ATXN7L2: variants seen among roughly 807,000 people sequenced by gnomAD.
The protein encoded by ATXN7L2 is ataxin-7-like protein 2.
A neutral mutation model predicts 59.6 loss-of-function variants in ATXN7L2; 17 were observed. That is an observed-to-expected ratio of 0.29 (90% confidence interval 0.20 to 0.43). The LOEUF is 0.43. Among genes scored for constraint, ATXN7L2 ranks in the 20% least tolerant of loss-of-function variants. The pLI is 1.00. For synonymous variants in ATXN7L2, 378 were observed against 392.5 expected, an observed-to-expected ratio of 0.96 and a Z score of 0.44; for missense variants, 858 against 1,008.9, an observed-to-expected ratio of 0.85 and a Z score of 2.03.
Position 109,489,077 on chromosome 1 carries a change from C to G in ATXN7L2, c.1110C>G (p.Thr370=). Residue 370 remains threonine (T), a synonymous_variant, in exon 7 of 11, where the codon ACC becomes ACG. Transcript: ENST00000683729. ...CCTTCTCTGTTCGTGCCAAGCAGAC[C>G]TACCCATACTGTGCACTGCCCAGGT... ...SSTFSVRAKQ[T]YPYCALPRSR... 6.2e-7 allele frequency: 1 copy of G among 1,614,108 alleles called. No homozygotes were observed. The highest frequency in any genetic ancestry group is 8.5e-7 in the Non-Finnish European group (1 of 1,179,982).
At position 109,486,457 on chromosome 1, in the gene ATXN7L2, G is replaced by A. The variant is rs779205485; in HGVS notation, c.194-49G>A. On this transcript the variant is annotated intron_variant, in intron 2 of 10. Coordinates refer to ENST00000683729, the MANE Select transcript of ATXN7L2 (RefSeq NM_001350175.2). The surrounding 1 kb of genome is among the most constrained non-coding windows in gnomAD (Gnocchi z 4.3). ...TGGGAGTGCTCTCCGATCTTCCAGA[G>A]AAACCCTGGGATCTTCAGCCCCAGT... The A allele has an allele frequency of 2.0e-6, 3 of 1,514,414 alleles. No individual in the cohort carries two copies. Among genetic ancestry groups the A allele is most frequent in the Non-Finnish European group, 2.7e-6 (3 of 1,097,004 alleles). 93.8% of individuals were successfully genotyped at this position (1,514,414 alleles called of 1,614,324 possible).
In ATXN7L2 at chr1:109,486,138, C is replaced by T. The variant is rs759409904; in HGVS notation, c.193+16C>T. On this transcript the variant is annotated intron_variant, in intron 2 of 10. Coordinates refer to ENST00000683729, the MANE Select transcript of ATXN7L2 (RefSeq NM_001350175.2). This position sits in a 1 kb window ranked among gnomAD's most constrained non-coding sequence, Gnocchi z 4.3. Reference sequence around the variant, plus strand: ...ATTAAAGAAGGTGGGAGTCGACACACATTAGGGCTGGGACCCAGGGCAGAC... The same window carrying T: ...ATTAAAGAAGGTGGGAGTCGACACATATTAGGGCTGGGACCCAGGGCAGAC... The T allele has an allele frequency of 9.5e-6, 15 of 1,573,410 alleles. No homozygotes were observed. The highest frequency in any genetic ancestry group is 1.3e-5 in the Non-Finnish European group (15 of 1,163,494).
At chr1:109,485,386 C>T (rs1292143212) in intron 1 of ATXN7L2, 1 of 985,510 alleles carries the variant, frequency 1.0e-6, no homozygotes, top group East Asian at 1.1e-4. Context: ...AGGGGAGGGA[C>T]TTGCATAGCT....
chr1:109,485,246 G>C (rs1229209805), intron 1 of ATXN7L2: 10 of 962,174 alleles, frequency 1.0e-5, no homozygotes, highest in Non-Finnish European at 1.2e-5. Context: ...GGGAGGGGGC[G>C]TAGAGGAGGG....
Position 109,486,503 on chromosome 1 carries a change from C to A in ATXN7L2, c.194-3C>A, listed in dbSNP as rs1174926805. The A allele has an allele frequency of 6.2e-7, 1 of 1,610,206 alleles. No individual in the cohort carries two copies. The highest frequency in any genetic ancestry group is 8.5e-7 in the Non-Finnish European group (1 of 1,176,832). Reference sequence around the variant, plus strand: ...CCAGTGACATGGGCTTCTGTCATTGCAGACATGTCCATCTTCGGGCACTGC... The same window carrying A: ...CCAGTGACATGGGCTTCTGTCATTGAAGACATGTCCATCTTCGGGCACTGC... On this transcript the variant is annotated splice_polypyrimidine_tract_variant and splice_region_variant and intron_variant, in intron 2 of 10. Transcript: ENST00000683729. The surrounding 1 kb of genome is among the most constrained non-coding windows in gnomAD (Gnocchi z 4.3).
At position 109,484,077 on chromosome 1, in the gene ATXN7L2, G is replaced by T; in HGVS notation, c.124G>T (p.Asp42Tyr). 6.6e-7 allele frequency: 1 copy of T among 1,515,658 alleles called. No individual in the cohort carries two copies. 93.9% of individuals were successfully genotyped at this position (1,515,658 alleles called of 1,614,324 possible). Residue 42 changes from aspartate (D) to tyrosine (Y), a missense_variant, in exon 1 of 11, where the codon GAC becomes TAC. Coordinates refer to ENST00000683729, the MANE Select transcript of ATXN7L2 (RefSeq NM_001350175.2). ...GGAGCGGGCCGACCTGCCCGCGGCT[G>T]ACGGTGAGTAAAGCCACCCTAAAGT... ...WVERADLPAA[D>Y]GAELEESSKN...
In ATXN7L2 at chr1:109,492,691, ATATTAT is replaced by A; in HGVS notation, c.*93_*98del. ...GGCTGCTGCCGCTTTTTATAACTTTATATTATTTTTTTTTAAGAAAAAAAGCTCTTT... is the reference window on the plus strand; with the variant it reads ...GGCTGCTGCCGCTTTTTATAACTTTATTTTTTTTAAGAAAAAAAGCTCTTT... On this transcript the variant is annotated 3_prime_UTR_variant, in exon 11 of 11. Coordinates refer to ENST00000683729, the MANE Select transcript of ATXN7L2 (RefSeq NM_001350175.2). The A allele has an allele frequency of 1.4e-6, 2 of 1,450,384 alleles. No homozygotes were observed. The highest frequency in any genetic ancestry group is 1.2e-5 in the South Asian group (1 of 80,146). The allele number at this position is 1,450,384 out of a possible 1,614,324, so 89.8% of individuals were successfully genotyped here.
In ATXN7L2 at chr1:109,492,094, C is replaced by G. The variant is rs571931529; in HGVS notation, c.2250+377C>G. On this transcript the variant is annotated intron_variant, in intron 10 of 10. Transcript: ENST00000683729. ...GTCCCTGGGTCACAGCCTAACATGC[C>G]GAGCAGCAAGGTGGGTGGGCTGGTC... The G allele has an allele frequency of 2.8e-6, 3 of 1,067,804 alleles. No individual in the cohort carries two copies. In the African/African-American group the frequency reaches 5.0e-5, roughly 18 times the overall value. The allele number at this position is 1,067,804 out of a possible 1,614,324, so 66.1% of individuals were successfully genotyped here. A position where few individuals can be genotyped will look rare whatever the true frequency, so the allele number is the denominator to read the frequency against.
chr1:109,490,387 G>A lies in ATXN7L2; in HGVS notation c.1449G>A (p.Met483Ile), dbSNP rs1342664854. ...SMLERHLSTH[M>I]WKKIPPAAEP... Reference sequence around the variant, plus strand: ...TGGAACGGCACCTCAGCACACACATGTGGAAGTAAGTCTCTCGGACCCAGA... The same window carrying A: ...TGGAACGGCACCTCAGCACACACATATGGAAGTAAGTCTCTCGGACCCAGA... Residue 483 changes from methionine (M) to isoleucine (I), a missense_variant, in exon 9 of 11, where the codon ATG becomes ATA. Met to Ile is a conservative substitution (Grantham distance 10, BLOSUM62 1). Around this residue, in one of 3 missense-constraint regions of ATXN7L2, gnomAD observed 734 missense variants for 862.3 expected, o/e 0.85. Coordinates refer to ENST00000683729, the MANE Select transcript of ATXN7L2 (RefSeq NM_001350175.2). The A allele has an allele frequency of 3.7e-6, 6 of 1,612,636 alleles. No individual in the cohort carries two copies. The Admixed American group carries it at 5.0e-5, about 13-fold the overall frequency.
intron 9 of ATXN7L2, 38 bp downstream of exon 9, chr1:109,490,430 G>C (rs1428137361): frequency 6.2e-6 from 10 of 1,603,488 alleles, no homozygotes; most frequent in Non-Finnish European, 8.5e-6. Context: ...TTCTAGAATG[G>C]AAATTCCTAG....
Position 109,491,383 on chromosome 1 carries a change from C to A in ATXN7L2, c.1916C>A (p.Thr639Lys), listed in dbSNP as rs762403857. The change falls in exon 10 of 11, where the codon ACA (threonine) becomes AAA (lysine). Residue 639 changes from threonine (T) to lysine (K), a missense_variant. Physicochemically the swap from Thr to Lys is moderately conservative, Grantham distance 78. Coordinates refer to ENST00000683729, the MANE Select transcript of ATXN7L2 (RefSeq NM_001350175.2). The surrounding 1 kb of genome is among the most constrained non-coding windows in gnomAD (Gnocchi z 4.1). ...AGGGGCCTCTCGGCCAAAACTAAAACAGCCCTGAGCATGGGGCTTAATGGG... is the reference window on the plus strand; with the variant it reads ...AGGGGCCTCTCGGCCAAAACTAAAAAAGCCCTGAGCATGGGGCTTAATGGG... The part of the protein sequence containing the change: ...GCRGLSAKTK[T>K]ALSMGLNGTM... The A allele has an allele frequency of 6.2e-7, 1 of 1,614,270 alleles. No homozygotes were observed. The highest frequency in any genetic ancestry group is 8.5e-7 in the Non-Finnish European group (1 of 1,180,054).
rs1298427852 is a variant in ATXN7L2, at chr1:109,484,034, G to A, written c.81G>A (p.Gln27=). The part of the protein sequence containing the change: ...RVPSLDDFAG[Q]SWSSWVERAD... ...CGAGTCTCGATGACTTCGCGGGACA[G>A]AGCTGGAGCTCGTGGGTGGAGCGGG... The change falls in exon 1 of 11, where the codon CAG becomes CAA. Residue 27 remains glutamine (Q), a synonymous_variant. Transcript: ENST00000683729. 2.0e-6 allele frequency: 3 copies of A among 1,505,906 alleles called. No homozygotes were observed. In the African/African-American group the frequency reaches 4.3e-5, roughly 22 times the overall value. The allele number at this position is 1,505,906 out of a possible 1,614,324, so 93.3% of individuals were successfully genotyped here. A position where few individuals can be genotyped will look rare whatever the true frequency, so the allele number is the denominator to read the frequency against.
intron 10 of ATXN7L2, 31 bp from the exon 11 acceptor site, chr1:109,492,555 A>T (rs1391464640): frequency 6.2e-7 from 1 of 1,613,302 alleles, no homozygotes; most frequent in African/African-American, 1.3e-5. Context: ...CCCCACCCTG[A>T]CCCTTTCTCT....
intron 10 of ATXN7L2, 28 bp from the exon 11 acceptor site, chr1:109,492,558 C>CT: frequency 1.9e-6 from 3 of 1,613,954 alleles, no homozygotes; most frequent in Non-Finnish European, 2.5e-6. Flanking sequence ...CACCCTGACC[C>CT]TTTCTCTCGC....
rs760252749 is a variant in ATXN7L2, at chr1:109,492,638, AC to A, written c.*40del. 1 of 1,610,076 alleles carries A rather than the reference AC, an allele frequency of 6.2e-7. No individual in the cohort carries two copies. Among genetic ancestry groups the A allele is most frequent in the African/African-American group, 1.3e-5 (1 of 74,270 alleles). On this transcript the variant is annotated 3_prime_UTR_variant, in exon 11 of 11. Transcript: ENST00000683729. ...TGCCCACTGCAACGGAGCCGCCAGC[AC>A]CTCCTCCCCTCCAGATCCGGGCCCC...
At position 109,491,125 on chromosome 1, in the gene ATXN7L2, G is replaced by A. The variant is rs939525110; in HGVS notation, c.1658G>A (p.Ser553Asn). The change falls in exon 10 of 11, where the codon AGC (serine) becomes AAC (asparagine). Residue 553 changes from serine to asparagine, a missense_variant. Around this residue, in one of 3 missense-constraint regions of ATXN7L2, gnomAD observed 734 missense variants for 862.3 expected, o/e 0.85. Coordinates refer to ENST00000683729, the MANE Select transcript of ATXN7L2 (RefSeq NM_001350175.2). The surrounding 1 kb of genome is among the most constrained non-coding windows in gnomAD (Gnocchi z 4.1). ...AGSPSVAAAC[S>N]QAECMGGSQA... Reference sequence around the variant, plus strand: ...TCCCCCAGCGTGGCGGCTGCCTGTAGCCAGGCAGAGTGCATGGGCGGGAGC... The same window carrying A: ...TCCCCCAGCGTGGCGGCTGCCTGTAACCAGGCAGAGTGCATGGGCGGGAGC... 1.2e-6 allele frequency: 2 copies of A among 1,613,460 alleles called. No individual in the cohort carries two copies. Among genetic ancestry groups the A allele is most frequent in the African/African-American group, 1.3e-5 (1 of 75,046 alleles).
At chr1:109,485,594 G>A in intron 1 of ATXN7L2, 1 of 985,706 alleles carries the variant, frequency 1.0e-6, no homozygotes, top group South Asian at 4.7e-5. Flanking sequence ...TAGCAGAAAG[G>A]ACCCATCGAG....
rs1287693933 is a variant in ATXN7L2, at chr1:109,488,922, G to A, written c.955G>A (p.Ala319Thr). Residue 319 changes from alanine to threonine, a missense_variant, in exon 7 of 11, where the codon GCC (alanine) becomes ACC (threonine). Transcript: ENST00000683729. This position sits in a 1 kb window ranked among gnomAD's most constrained non-coding sequence, Gnocchi z 5.0. ...TGACGTGCTGGTGGCAGAGCTGAAGGCCAACTCCCGCAAAGGGGAGTCTCC... is the reference window on the plus strand; with the variant it reads ...TGACGTGCTGGTGGCAGAGCTGAAGACCAACTCCCGCAAAGGGGAGTCTCC... ...DFDVLVAELK[A>T]NSRKGESPKE... The A allele has an allele frequency of 1.9e-6, 3 of 1,614,026 alleles. No individual in the cohort carries two copies. Among genetic ancestry groups the A allele is most frequent in the Non-Finnish European group, 2.5e-6 (3 of 1,180,038 alleles).
chr1:109,485,208 G>A (rs1394844673), intron 1 of ATXN7L2: 1 of 918,938 alleles, frequency 1.1e-6, no homozygotes, highest in African/African-American at 1.9e-5. Flanking sequence ...TGGTGACTCA[G>A]AATTGATTTT....
Sources: gnomAD v4.1 joint callset for allele counts on GRCh38, gnomAD v4.1.1 for gene constraint, gnomAD v4.1.1 regional missense constraint, Gnocchi (gnomAD v3.1) non-coding constraint, MANE v1.5 for transcripts, NCBI Gene and HGNC (gene_info 2026-07-23, HGNC 2026-07-21) for gene names.